NBEA: variants seen among roughly 807,000 people sequenced by gnomAD.
NBEA encodes lysosomal-trafficking regulator 2.
NBEA carries 44 observed loss-of-function variants against 343.4 expected under a neutral mutation model. The ratio of observed to expected loss-of-function variants is 0.13; its 90% confidence interval spans 0.10 to 0.16. The LOEUF is 0.16. Ranked by LOEUF, NBEA falls within the 10% of genes least tolerant of loss-of-function variation. The pLI, the probability that NBEA is intolerant of heterozygous loss-of-function variation, is 1.00. For missense variants in NBEA, 2,555 were observed against 3,631.3 expected, an observed-to-expected ratio of 0.70 and a Z score of 7.62; for synonymous variants, 1,175 against 1,238.7, an observed-to-expected ratio of 0.95 and a Z score of 1.08.
rs148083169 is a variant in NBEA at position 35,075,176 on chromosome 13, G to T, written c.1571+4324G>T. 6.1e-3 allele frequency among the ~76,000 whole-genome samples: 922 copies of T among 152,166 alleles called. 9 individuals carry two copies. The highest frequency in any genetic ancestry group is 0.021 in the African/African-American group (883 of 41,538). On this transcript the variant is annotated intron_variant, in intron 10 of 58. Coordinates refer to ENST00000379939, the MANE Select transcript of NBEA (RefSeq NM_001385012.1). ...AGAGCTCTGACTCTAAACCACTGTG[G>T]ACTACTCTGAGAATCACTTTTGCCA...
chr13:34,991,920 G>A lies in NBEA; in HGVS notation c.294+48806G>A, dbSNP rs556230354. 3.3e-4 allele frequency among the ~76,000 whole-genome samples: 49 copies of A among 148,988 alleles called. No individual in the cohort carries two copies. The South Asian group carries it at 8.6e-3, about 26-fold the overall frequency. On this transcript the variant is annotated intron_variant, in intron 1 of 58. Coordinates refer to ENST00000379939, the MANE Select transcript of NBEA (RefSeq NM_001385012.1). ...CTGTTCTTTTAAAGGATATATTTTG[G>A]GTGTAGGAATTGGAATTGACAGCAT...
chr13:35,369,758 AG>A (rs2041325076), intron 38 of NBEA, among the ~76,000 whole-genome samples: 2 of 151,934 alleles, frequency 1.3e-5, no homozygotes, highest in Admixed American at 1.3e-4. Context: ...TGGAGTCTTT[AG>A]GTTTTTCTAG....
At chr13:34,951,064 C>T (rs1015228788) in intron 1 of NBEA, among the ~76,000 whole-genome samples, 1 of 152,132 alleles carries the variant, frequency 6.6e-6, no homozygotes, top group South Asian at 2.1e-4. Flanking sequence ...TAAACTGTTA[C>T]AGCTATTCCG....
At chr13:35,114,376 A>G (rs1007152192) in intron 13 of NBEA, among the ~76,000 whole-genome samples, 10 of 152,056 alleles carry the variant, frequency 6.6e-5, no homozygotes, top group Non-Finnish European at 1.5e-4. Context: ...ATATTTATAT[A>G]TTTTCTTATT....
At chr13:34,975,563 A>C (rs2060140744) in intron 1 of NBEA, among the ~76,000 whole-genome samples, 1 of 152,216 alleles carries the variant, frequency 6.6e-6, no homozygotes. Flanking sequence ...CAAACGTAAC[A>C]AAAACCAAGA....
chr13:35,417,144 T>C (rs1043218423), intron 38 of NBEA, among the ~76,000 whole-genome samples: 2 of 152,170 alleles, frequency 1.3e-5, no homozygotes, highest in Non-Finnish European at 2.9e-5. Context: ...TTTATTAGTC[T>C]TGCTAGCAGT....
At chr13:35,478,535 C>A (rs117008272) in intron 41 of NBEA, among the ~76,000 whole-genome samples, 2 of 152,268 alleles carry the variant, frequency 1.3e-5, no homozygotes, top group African/African-American at 4.8e-5. Context: ...TCTCTCGCTG[C>A]TCCGCATTCC....
intron 38 of NBEA, among the ~76,000 whole-genome samples, chr13:35,383,192 C>T (rs777686924): frequency 2.1e-4 from 32 of 152,112 alleles, no homozygotes; most frequent in Non-Finnish European, 4.3e-4. Flanking sequence ...TCTAGAAAGA[C>T]TCCGAATTTG....
intron 31 of NBEA, among the ~76,000 whole-genome samples, chr13:35,201,674 T>C (rs889058112): frequency 4.6e-5 from 7 of 152,004 alleles, no homozygotes; most frequent in Non-Finnish European, 4.4e-5. Context: ...CCATATAATA[T>C]GATATAAAGC....
chr13:35,422,256 T>A (rs2044332647), intron 38 of NBEA, among the ~76,000 whole-genome samples: 1 of 151,224 alleles, frequency 6.6e-6, no homozygotes, highest in Non-Finnish European at 1.5e-5. Flanking sequence ...CATTAACTCG[T>A]CATTTAGCAT....
intron 41 of NBEA, among the ~76,000 whole-genome samples, chr13:35,490,257 T>A (rs17052261): frequency 1.8e-4 from 27 of 151,952 alleles, no homozygotes; most frequent in Admixed American, 1.3e-4. Context: ...TGATCTTCTG[T>A]TGTCTAGAAA....
At chr13:35,131,126 A>G (rs1566335445) in intron 17 of NBEA, among the ~76,000 whole-genome samples, 1 of 152,148 alleles carries the variant, frequency 6.6e-6, no homozygotes, top group Non-Finnish European at 1.5e-5. Flanking sequence ...AAGTGAATGA[A>G]ACAGAAAGCA....
rs1280190809 is a variant in NBEA at position 35,432,320 on chromosome 13, A to G, written c.6231A>G (p.Arg2077=). 1.9e-6 allele frequency: 3 copies of G among 1,608,504 alleles called. No individual in the cohort carries two copies. The highest frequency in any genetic ancestry group is 2.5e-6 in the Non-Finnish European group (3 of 1,177,170). ...ATTACTGGGAAGATGATCTTCGTCG[A>G]AGGAGACGATTTGTTCGCAATGCAT... is the stretch of plus-strand genomic sequence containing the variant. The part of the protein sequence containing the change: ...RLDYWEDDLR[R]RRRFVRNAFG... The change falls in exon 39 of 59, where the codon CGA becomes CGG. Residue 2077 remains arginine (R), a synonymous_variant. Transcript: ENST00000379939.
rs536790187 is a variant in NBEA at position 35,394,620 on chromosome 13, T to C, written c.6180-37649T>C. Among the ~76,000 whole-genome samples the C allele has an allele frequency of 7.7e-4, 117 of 152,178 alleles. 3 individuals are homozygous for C. The South Asian group carries it at 0.024, about 31-fold the overall frequency. On this transcript the variant is annotated intron_variant, in intron 38 of 58. Transcript: ENST00000379939. ...ATTTCATGCATTCTAGATCTTGGTA[T>C]CTCCTCCACATAACATATGCATATA...
intron 33 of NBEA, among the ~76,000 whole-genome samples, chr13:35,229,273 T>G (rs987482544): frequency 6.6e-6 from 1 of 152,064 alleles, no homozygotes; most frequent in African/African-American, 2.4e-5. Flanking sequence ...CTCAAGCCAT[T>G]CTCCTTCTTC....
chr13:35,159,913 A>G lies in NBEA; in HGVS notation c.3742A>G (p.Ser1248Gly), dbSNP rs777885750. 34 of 1,596,592 alleles carry G rather than the reference A, an allele frequency of 2.1e-5. No individual in the cohort carries two copies. The South Asian group carries it at 3.4e-4, about 16-fold the overall frequency. Residue 1248 changes from serine (S) to glycine (G), a missense_variant, in exon 22 of 59, where the codon AGT becomes GGT. Transcript: ENST00000379939. The stretch of plus-strand genomic sequence containing the variant: ...TACAACTCTGGAAACTGAGTCTTCT[A>G]GTAGCAAAATTGTACCAAATATTGA... ...TATTLETESS[S>G]SKIVPNIDAG...
rs560761151 is a variant in NBEA, at chr13:35,422,802, A to G, written c.6180-9467A>G. On this transcript the variant is annotated intron_variant, in intron 38 of 58. Coordinates refer to ENST00000379939, the MANE Select transcript of NBEA (RefSeq NM_001385012.1). Reference sequence around the variant, plus strand: ...GTTCCTATTTCTCCACATCCTCTCCAGCATCTGTTGTTTCCTGACTTTTTA... The same window carrying G: ...GTTCCTATTTCTCCACATCCTCTCCGGCATCTGTTGTTTCCTGACTTTTTA... Among the ~76,000 whole-genome samples the G allele has an allele frequency of 4.6e-4, 70 of 152,310 alleles. 2 individuals are homozygous for G. The highest frequency in any genetic ancestry group is 3.4e-3 in the Middle Eastern group (1 of 294).
chr13:35,300,696 T>A (rs2036482093), intron 35 of NBEA, among the ~76,000 whole-genome samples: 1 of 152,212 alleles, frequency 6.6e-6, no homozygotes. Flanking sequence ...ACCTGACTCC[T>A]ATGGAAAGGG....
intron 56 of NBEA, among the ~76,000 whole-genome samples, chr13:35,666,438 T>C (rs1186113663): frequency 1.3e-5 from 2 of 149,276 alleles, no homozygotes; most frequent in Non-Finnish European, 3.0e-5. Flanking sequence ...GGAAAATAAG[T>C]GACACATAGT....
Sources: allele counts gnomAD v4.1 joint callset (sites outside exome capture counted in the v4.1 genomes callset), GRCh38; gene constraint gnomAD v4.1.1; transcripts MANE v1.5; gene names NCBI Gene and HGNC (gene_info 2026-07-23, HGNC 2026-07-21).